INSR: variants seen among roughly 807,000 people sequenced by gnomAD.
INSR encodes IR.
INSR carries 67 observed loss-of-function variants against 142.6 expected under a neutral mutation model. The observed-to-expected ratio is 0.47, with a 90% confidence interval of 0.39 to 0.58. INSR has a LOEUF of 0.58. Ranked by LOEUF, INSR falls within the 20% of genes least tolerant of loss-of-function variation. The pLI is 0.00. For missense variants in INSR, 1,248 were observed against 1,833.2 expected, an observed-to-expected ratio of 0.68 and a Z score of 5.83; for synonymous variants, 756 against 743.1, an observed-to-expected ratio of 1.02 and a Z score of -0.28.
chr19:7,242,209 G>A (rs1371413373), intron 2 of INSR, among the ~76,000 whole-genome samples: 1 of 151,420 alleles, frequency 6.6e-6, no homozygotes, highest in Non-Finnish European at 1.5e-5. Context: ...AGAAAGAGAA[G>A]GAGAAGGAGG....
chr19:7,114,164 T>C lies in INSR; in HGVS notation c.*2892A>G, dbSNP rs1972267226. ...TTTAAAAAGACATTGCATTAGGTGT[T>C]TGTGTGTAAGGTGCATCACCAGCCT... On this transcript the variant is annotated 3_prime_UTR_variant, in exon 22 of 22. Transcript: ENST00000302850. 6.6e-6 allele frequency: 1 copy of C among 152,040 alleles called. No homozygotes were observed. The highest frequency in any genetic ancestry group is 2.4e-5 in the African/African-American group (1 of 41,368). 9.4% of individuals were successfully genotyped at this position (152,040 alleles called of 1,614,324 possible). A position where few individuals can be genotyped will look rare whatever the true frequency, so the allele number is the denominator to read the frequency against.
chr19:7,204,891 GCCAACA>G (rs1223648738), intron 2 of INSR, among the ~76,000 whole-genome samples: 1 of 152,124 alleles, frequency 6.6e-6, no homozygotes, highest in Non-Finnish European at 1.5e-5. Context: ...GACCAGCCTG[GCCAACA>G]TGGCAAAACC....
intron 2 of INSR, among the ~76,000 whole-genome samples, chr19:7,243,272 G>A (rs73490786): frequency 0.13 from 14,195 of 110,568 alleles, 2,213 homozygotes; most frequent in African/African-American, 0.39. Flanking sequence ...TTGAGATGCA[G>A]TCTAGCTCTA....
chr19:7,233,398 C>T (rs1976053343), intron 2 of INSR, among the ~76,000 whole-genome samples: 1 of 152,164 alleles, frequency 6.6e-6, no homozygotes, highest in African/African-American at 2.4e-5. Context: ...AAGCCTGGTT[C>T]CAAACCATCG....
intron 21 of INSR, among the ~76,000 whole-genome samples, chr19:7,118,750 C>CAAAA (rs35928600): frequency 1.2e-4 from 15 of 129,230 alleles, no homozygotes; most frequent in South Asian, 5.0e-4. Context: ...ACTAAAAATA[C>CAAAA]AAAAAAAAAA....
rs573602234 is a variant in INSR at position 7,128,811 on chromosome 19, A to T, written c.2945+41T>A. On this transcript the variant is annotated intron_variant, in intron 15 of 21. Coordinates refer to ENST00000302850, the MANE Select transcript of INSR (RefSeq NM_000208.4). ...ATCAAGGCATGTTTTCCCCCAGAGAACCAACTGTTCCCAGCACACCACTGA... is the reference window on the plus strand; with the variant it reads ...ATCAAGGCATGTTTTCCCCCAGAGATCCAACTGTTCCCAGCACACCACTGA... 3.0e-5 allele frequency: 42 copies of T among 1,393,902 alleles called. No homozygotes were observed. The South Asian group carries it at 4.8e-4, about 16-fold the overall frequency. The allele number at this position is 1,393,902 out of a possible 1,614,324, so 86.3% of individuals were successfully genotyped here.
chr19:7,116,862 T>A lies in INSR; in HGVS notation c.*194A>T. 1 of 597,222 alleles carries A rather than the reference T, an allele frequency of 1.7e-6. No individual in the cohort carries two copies. Among genetic ancestry groups the A allele is most frequent in the Non-Finnish European group, 3.0e-6 (1 of 332,314 alleles). 37.0% of individuals were successfully genotyped at this position (597,222 alleles called of 1,614,324 possible). A position where few individuals can be genotyped will look rare whatever the true frequency, so the allele number is the denominator to read the frequency against. On this transcript the variant is annotated 3_prime_UTR_variant, in exon 22 of 22. Coordinates refer to ENST00000302850, the MANE Select transcript of INSR (RefSeq NM_000208.4). ...AACCCCTTGCCCTCCAGGTTCACAG[T>A]TAAATCCTCTGCAGGACTAGTTAAA...
chr19:7,197,516 G>GGTGTGTGTGTGTGTGT (rs552352795), intron 2 of INSR, among the ~76,000 whole-genome samples: 7 of 70,856 alleles, frequency 9.9e-5, no homozygotes, highest in African/African-American at 3.7e-4. Flanking sequence ...TGGGAGTGGG[G>GGTGTGTGTGTGTGTGT]GTGTGTGTGT....
intron 2 of INSR, among the ~76,000 whole-genome samples, chr19:7,207,561 C>A (rs549780065): frequency 1.3e-5 from 2 of 149,938 alleles, no homozygotes; most frequent in Admixed American, 6.7e-5. Context: ...GAAAATATCA[C>A]GAGAATAAAG....
intron 1 of INSR, among the ~76,000 whole-genome samples, 183 bp downstream of exon 1, chr19:7,293,609 G>T (rs1015800480): frequency 1.3e-5 from 2 of 152,190 alleles, no homozygotes; most frequent in African/African-American, 4.8e-5. Flanking sequence ...GAGCCCGGGC[G>T]GGCAAAGGCC....
intron 13 of INSR, among the ~76,000 whole-genome samples, chr19:7,135,316 T>C (rs1007125178): frequency 8.5e-6 from 1 of 117,264 alleles, no homozygotes; most frequent in Non-Finnish European, 1.7e-5. Context: ...TTTTTTTTTT[T>C]TTTTTTTTTT....
Position 7,294,413 on chromosome 19 carries a change from C to A in INSR, c.-522G>T, listed in dbSNP as rs1968585795. Among the ~76,000 whole-genome samples, 1 of 151,524 alleles carries A rather than the reference C, an allele frequency of 6.6e-6. No individual in the cohort carries two copies. Among genetic ancestry groups the A allele is most frequent in the Non-Finnish European group, 1.5e-5 (1 of 67,800 alleles). On this transcript the variant is annotated 5_prime_UTR_variant, in exon 1 of 22. Coordinates refer to ENST00000302850, the MANE Select transcript of INSR (RefSeq NM_000208.4). Reference sequence around the variant, plus strand: ...GGCCGCGGGAAAAGGCGGCGCGGATCTGGCCTAGGAAGGGACTCTGCGCCC... The same window carrying A: ...GGCCGCGGGAAAAGGCGGCGCGGATATGGCCTAGGAAGGGACTCTGCGCCC...
chr19:7,187,484 T>A lies in INSR; in HGVS notation c.653-2847A>T, dbSNP rs535126183. On this transcript the variant is annotated intron_variant, in intron 2 of 21. Transcript: ENST00000302850. Reference sequence around the variant, plus strand: ...ATTTCATTTTAATTTCAGTTTAAAATTTTTAAAAAGTTTTACATTGATACA... The same window carrying A: ...ATTTCATTTTAATTTCAGTTTAAAAATTTTAAAAAGTTTTACATTGATACA... 3.9e-5 allele frequency among the ~76,000 whole-genome samples: 6 copies of A among 152,332 alleles called. No homozygotes were observed. The South Asian group carries it at 8.3e-4, about 21-fold the overall frequency.
intron 2 of INSR, among the ~76,000 whole-genome samples, chr19:7,263,315 T>C (rs1232649596): frequency 1.3e-5 from 2 of 151,824 alleles, no homozygotes; most frequent in Non-Finnish European, 2.9e-5. Context: ...ATTTATTCTA[T>C]GTGTATTTTA....
At position 7,120,786 on chromosome 19, in the gene INSR, A is replaced by G. The variant is rs199989287; in HGVS notation, c.3530-37T>C. Reference sequence around the variant, plus strand: ...AAAGGTTCACACGCTCTTAACCTTCAGCCTTGGTCCTAGCATCTGCCACCT... The same window carrying G: ...AAAGGTTCACACGCTCTTAACCTTCGGCCTTGGTCCTAGCATCTGCCACCT... On this transcript the variant is annotated intron_variant, in intron 19 of 21. Transcript: ENST00000302850. The G allele has an allele frequency of 8.7e-6, 14 of 1,610,046 alleles. No individual in the cohort carries two copies. In the East Asian group the frequency reaches 2.0e-4, roughly 23 times the overall value.
intron 3 of INSR, 65 bp from the exon 4 acceptor site, chr19:7,174,796 C>A: frequency 6.7e-7 from 1 of 1,501,092 alleles, no homozygotes; most frequent in Admixed American, 1.9e-5. Flanking sequence ...ATCCAAGGTC[C>A]TTCAGACATC....
At chr19:7,180,581 A>G (rs1471616808) in intron 3 of INSR, among the ~76,000 whole-genome samples, 1 of 151,850 alleles carries the variant, frequency 6.6e-6, no homozygotes, top group East Asian at 1.9e-4. Flanking sequence ...TCGAAGAGTT[A>G]AAACTAAATG....
intron 1 of INSR, among the ~76,000 whole-genome samples, chr19:7,291,211 G>A (rs61628504): frequency 0.043 from 6,522 of 152,222 alleles, 428 homozygotes; most frequent in African/African-American, 0.15. Flanking sequence ...TGGGGGGTAC[G>A]GAGGCTCGGA....
chr19:7,160,841 T>C (rs1254124557), intron 9 of INSR, among the ~76,000 whole-genome samples: 2 of 151,322 alleles, frequency 1.3e-5, no homozygotes, highest in African/African-American at 2.4e-5. Context: ...CTACTAAAAA[T>C]ACAAAAATTA....
Sources: gnomAD v4.1 joint callset for allele counts (sites outside exome capture counted in the v4.1 genomes callset) on GRCh38, gnomAD v4.1.1 for gene constraint, MANE v1.5 for transcripts, NCBI Gene and HGNC (gene_info 2026-07-23, HGNC 2026-07-21) for gene names.